Variants in CHL1 observed in about 807,000 individuals in gnomAD.
CHL1 encodes neural cell adhesion molecule L1-like protein.
A neutral mutation model predicts 141.9 loss-of-function variants in CHL1; 96 were observed. That is an observed-to-expected ratio of 0.68 (90% CI 0.57 to 0.80). The LOEUF (loss-of-function observed/expected upper bound fraction) is 0.80. CHL1 is among the 30% of genes least tolerant of loss of function. The pLI, the probability that CHL1 is intolerant of heterozygous loss-of-function variation, is 0.00. For missense variants in CHL1, 1,820 were observed against 1,457.2 expected, an observed-to-expected ratio of 1.25 and a Z score of -4.05; for synonymous variants, 613 against 502.2, an observed-to-expected ratio of 1.22 and a Z score of -2.95.
chr3:204,628 T>C (rs1699248534), intron 1 of CHL1, among the ~76,000 whole-genome samples: 1 of 152,182 alleles, frequency 6.6e-6, no homozygotes, highest in Admixed American at 6.5e-5. Flanking sequence ...AACTGTAAAG[T>C]GACAGAATAT....
intron 6 of CHL1, 147 bp from the exon 7 acceptor site, chr3:341,765 G>T: frequency 1.7e-6 from 1 of 601,952 alleles, no homozygotes; most frequent in Non-Finnish European, 2.7e-6. Flanking sequence ...TTTGCTCATT[G>T]TTCCTGTAGT....
chr3:331,533 T>C (rs758724451), intron 5 of CHL1, among the ~76,000 whole-genome samples: 2 of 152,110 alleles, frequency 1.3e-5, no homozygotes, highest in Non-Finnish European at 2.9e-5. Flanking sequence ...TGAGCCACCA[T>C]GCCCAGTGTG....
intron 2 of CHL1, among the ~76,000 whole-genome samples, chr3:311,504 G>A (rs1699750067): frequency 6.6e-6 from 1 of 151,926 alleles, no homozygotes; most frequent in African/African-American, 2.4e-5. Context: ...CACGGCTCCT[G>A]CCCACTGGAT....
intron 9 of CHL1, 23 bp downstream of exon 9, chr3:344,732 A>T: frequency 6.2e-7 from 1 of 1,611,810 alleles, no homozygotes; most frequent in East Asian, 2.2e-5. Flanking sequence ...ACTCTCACTC[A>T]TGACTTTGTC....
chr3:308,130 A>G (rs1559231239), intron 2 of CHL1, among the ~76,000 whole-genome samples: 1 of 152,242 alleles, frequency 6.6e-6, no homozygotes, highest in Non-Finnish European at 1.5e-5. Context: ...CGAGTATTTC[A>G]GAAAGTTTAA....
intron 5 of CHL1, among the ~76,000 whole-genome samples, chr3:330,348 A>C (rs1225290335): frequency 6.6e-6 from 1 of 152,246 alleles, no homozygotes; most frequent in South Asian, 2.1e-4. Flanking sequence ...ATTTAGAGGG[A>C]TCTTTATCAT....
chr3:343,313 A>G (rs1395487109), intron 8 of CHL1, among the ~76,000 whole-genome samples: 6 of 152,192 alleles, frequency 3.9e-5, no homozygotes, highest in African/African-American at 1.4e-4. Flanking sequence ...TGGGTCTCCC[A>G]AAACGTCTCT....
At chr3:339,839 A>G (rs903859216) in intron 5 of CHL1, among the ~76,000 whole-genome samples, 1 of 152,224 alleles carries the variant, frequency 6.6e-6, no homozygotes, top group Admixed American at 6.5e-5. Context: ...GTTGTGAATC[A>G]TAATTTAAGA....
chr3:316,700 A>G (rs947232379), intron 2 of CHL1, among the ~76,000 whole-genome samples: 14 of 151,926 alleles, frequency 9.2e-5, no homozygotes, highest in Admixed American at 9.2e-4. Context: ...GGATACCCCA[A>G]TTACCCTGAT....
At chr3:298,746 T>C (rs9862183) in intron 2 of CHL1, among the ~76,000 whole-genome samples, 4,773 of 152,216 alleles carry the variant, frequency 0.031, 267 homozygotes, top group African/African-American at 0.11. Context: ...GAATGAGTGG[T>C]AGACCTATTA....
chr3:298,280 G>C (rs950114144), intron 2 of CHL1, among the ~76,000 whole-genome samples: 1 of 152,180 alleles, frequency 6.6e-6, no homozygotes, highest in African/African-American at 2.4e-5. Flanking sequence ...TCACAGGTCT[G>C]ACCTAATATC....
chr3:197,756 G>C (rs1490603041), intron 1 of CHL1: 14 of 455,518 alleles, frequency 3.1e-5, no homozygotes, highest in Non-Finnish European at 6.2e-5. Context: ...GCCGAGGGGC[G>C]AGAGGGCGCG....
At chr3:350,339 G>C (rs1316187176) in intron 10 of CHL1, among the ~76,000 whole-genome samples, 2 of 152,102 alleles carry the variant, frequency 1.3e-5, no homozygotes, top group South Asian at 2.1e-4. Flanking sequence ...GAATGTGATT[G>C]ACACAGACTA....
chr3:385,527 C>T (rs1707581431), intron 19 of CHL1, among the ~76,000 whole-genome samples: 1 of 152,128 alleles, frequency 6.6e-6, no homozygotes. Context: ...AAGAATGGGA[C>T]TGTACTAAGA....
chr3:249,114 C>T (rs77102144), intron 2 of CHL1, among the ~76,000 whole-genome samples: 2,912 of 152,278 alleles, frequency 0.019, 56 homozygotes, highest in African/African-American at 0.051. Context: ...GGACTGCACA[C>T]GCGTGCAGAG....
At chr3:286,568 G>A (rs577788168) in intron 2 of CHL1, among the ~76,000 whole-genome samples, 8 of 144,594 alleles carry the variant, frequency 5.5e-5, no homozygotes, top group East Asian at 4.2e-4. Flanking sequence ...CCGAGATTGC[G>A]CCATTGCACT....
At chr3:353,485 C>T (rs961961973) in intron 10 of CHL1, among the ~76,000 whole-genome samples, 5 of 152,102 alleles carry the variant, frequency 3.3e-5, no homozygotes, top group Admixed American at 3.3e-4. Context: ...ACAGGTAGTA[C>T]AGCTTATGAA....
intron 1 of CHL1, among the ~76,000 whole-genome samples, chr3:211,849 A>G (rs1383749753): frequency 6.6e-6 from 1 of 152,198 alleles, no homozygotes; most frequent in Non-Finnish European, 1.5e-5. Flanking sequence ...ATATTATTTA[A>G]TTTGATACTT....
At chr3:276,717 T>A (rs143471316) in intron 2 of CHL1, among the ~76,000 whole-genome samples, 4 of 151,540 alleles carry the variant, frequency 2.6e-5, no homozygotes, top group Non-Finnish European at 5.9e-5. Flanking sequence ...GTGAAATCCC[T>A]TCTCTACTAA....
Sources: allele counts gnomAD v4.1 joint callset (sites outside exome capture counted in the v4.1 genomes callset), GRCh38; gene constraint gnomAD v4.1.1; transcripts MANE v1.5; gene names NCBI Gene and HGNC (gene_info 2026-07-23, HGNC 2026-07-21).